NEBL: variants seen among roughly 807,000 people sequenced by gnomAD.
NEBL encodes the protein nebulette.
NEBL carries 122 observed loss-of-function variants against 140.2 expected under a neutral mutation model. The ratio of observed to expected loss-of-function variants is 0.87; its 90% CI spans 0.75 to 1.01. NEBL has a LOEUF of 1.01. Ranked by LOEUF, NEBL falls within the 50% of genes least tolerant of loss-of-function variation. The pLI is 0.00. For missense variants in NEBL, 1,365 were observed against 1,231.3 expected (o/e 1.11, Z -1.62); for synonymous variants, 436 against 398.9 (o/e 1.09, Z -1.11).
At chr10:20,833,966 C>T (rs184499999) in intron 14 of NEBL, among the ~76,000 whole-genome samples, 20 of 152,074 alleles carry the variant, frequency 1.3e-4, no homozygotes, top group South Asian at 4.2e-4. Flanking sequence ...CTTTGGTTGG[C>T]GCCATTTGAA....
rs899732656 is a variant in NEBL at position 21,080,197 on chromosome 10, C to G, written c.165-59996G>C. On this transcript the variant is annotated intron_variant, in intron 2 of 6. Coordinates refer to the NEBL transcript ENST00000417816. ...TAAAGTAATGAAAGCGATTTCTTAA[C>G]AGCACAACACATAGATACAACAAAA... Among the ~76,000 whole-genome samples the G allele has an allele frequency of 8.5e-5, 13 of 152,192 alleles. 1 individual carries two copies. Among genetic ancestry groups the G allele is most frequent in the African/African-American group, 1.2e-4 (5 of 41,452 alleles).
intron 2 of NEBL, among the ~76,000 whole-genome samples, chr10:20,894,126 A>G (rs906002938): frequency 2.0e-5 from 3 of 152,184 alleles, no homozygotes; most frequent in African/African-American, 7.2e-5. Context: ...AAGAGTAACA[A>G]TTAGGCTGCA....
At chr10:21,005,299 C>G (rs1838090520) in intron 3 of NEBL, among the ~76,000 whole-genome samples, 1 of 152,200 alleles carries the variant, frequency 6.6e-6, no homozygotes, top group African/African-American at 2.4e-5. Context: ...GAATACCCAT[C>G]TAAGAAATCA....
At chr10:21,176,662 C>T (rs1841305073), upstream of NEBL, among the ~76,000 whole-genome samples, 1 of 152,178 alleles carries the variant, frequency 6.6e-6, no homozygotes, top group Admixed American at 6.5e-5. Flanking sequence ...AACTTTTGCC[C>T]TTCCATGTCT....
In NEBL at chr10:20,784,347, C is replaced by T. The variant is rs1835232014; in HGVS notation, c.*1400G>A. On this transcript the variant is annotated 3_prime_UTR_variant, in exon 28 of 28. Transcript: ENST00000377122. ...TGGATGAAATTTCAAGACCCACCAGCAAGGGCTAGCATAAAGCCTGCAAAG... is the reference window on the plus strand; with the variant it reads ...TGGATGAAATTTCAAGACCCACCAGTAAGGGCTAGCATAAAGCCTGCAAAG... 9.5e-6 allele frequency: 1 copy of T among 105,754 alleles called. No individual in the cohort carries two copies. Among genetic ancestry groups the T allele is most frequent in the African/African-American group, 4.8e-5 (1 of 20,954 alleles). 6.6% of individuals were successfully genotyped at this position (105,754 alleles called of 1,614,324 possible). A position where few individuals can be genotyped will look rare whatever the true frequency, so the allele number is the denominator to read the frequency against.
chr10:21,168,880 C>T (rs1253637210), intron 2 of NEBL, among the ~76,000 whole-genome samples: 1 of 150,346 alleles, frequency 6.7e-6, no homozygotes, highest in Non-Finnish European at 1.5e-5. Context: ...AACCCTATCT[C>T]TACTAAAAAA....
intron 2 of NEBL, chr10:21,029,853 G>T: frequency 1.5e-6 from 1 of 682,380 alleles, no homozygotes; most frequent in Admixed American, 2.1e-5. Flanking sequence ...TTTGGCAGTG[G>T]GTACCCAGGG....
intron 2 of NEBL, among the ~76,000 whole-genome samples, chr10:21,131,516 T>C (rs1005371449): frequency 2.6e-5 from 4 of 151,898 alleles, no homozygotes; most frequent in Middle Eastern, 3.4e-3. Flanking sequence ...AATAAATAAA[T>C]AAACAAACAG....
At chr10:21,047,073 C>T (rs631361) in intron 2 of NEBL, among the ~76,000 whole-genome samples, 74,317 of 152,132 alleles carry the variant, frequency 0.49, 20,438 homozygotes, top group Non-Finnish European at 0.61. Context: ...ATGAATGTTA[C>T]TGCCATGCAG....
intron 25 of NEBL, among the ~76,000 whole-genome samples, chr10:20,808,925 T>C (rs547746292): frequency 2.6e-4 from 39 of 152,288 alleles, no homozygotes; most frequent in African/African-American, 7.9e-4. Flanking sequence ...AAAGAAAACA[T>C]TGGTAAATTA....
At chr10:21,075,343 T>C (rs1327577404) in intron 2 of NEBL, among the ~76,000 whole-genome samples, 2 of 152,002 alleles carry the variant, frequency 1.3e-5, no homozygotes, top group African/African-American at 4.8e-5. Context: ...ACTGAGAGGG[T>C]CACTTGCTGA....
intron 2 of NEBL, among the ~76,000 whole-genome samples, chr10:21,083,994 T>TAATAC (rs781756663): frequency 6.6e-6 from 1 of 152,226 alleles, no homozygotes; most frequent in African/African-American, 2.4e-5. Flanking sequence ...GAGTCCTGAC[T>TAATAC]AATACAATTG....
intron 1 of NEBL, among the ~76,000 whole-genome samples, chr10:21,262,154 CG>C (rs1842747092): frequency 6.6e-6 from 1 of 152,098 alleles, no homozygotes; most frequent in Non-Finnish European, 1.5e-5. Flanking sequence ...GCGAGGGCCT[CG>C]ATAGGAGATT....
chr10:21,145,411 T>A (rs1839845849), intron 2 of NEBL, among the ~76,000 whole-genome samples: 1 of 152,252 alleles, frequency 6.6e-6, no homozygotes, highest in Non-Finnish European at 1.5e-5. Flanking sequence ...TTTTATAGGA[T>A]ATCAAAATGC....
chr10:21,283,117 C>T (rs1192157017), intron 1 of NEBL, among the ~76,000 whole-genome samples: 2 of 133,984 alleles, frequency 1.5e-5, no homozygotes, highest in Non-Finnish European at 3.1e-5. Context: ...GCCTGGGCGA[C>T]AGGGCAAGAC....
chr10:21,206,968 C>CTTTTTTTTTTTTTTTT (rs1028716031), intron 3 of NEBL, among the ~76,000 whole-genome samples: 50 of 99,044 alleles, frequency 5.0e-4, no homozygotes, highest in Middle Eastern at 6.0e-3. Context: ...CTTTTTCTTT[C>CTTTTTTTTTTTTTTTT]TTTTTTTTTT....
chr10:20,857,892 G>C (rs1470918033), intron 9 of NEBL, among the ~76,000 whole-genome samples: 1 of 152,078 alleles, frequency 6.6e-6, no homozygotes, highest in African/African-American at 2.4e-5. Context: ...CTCTGGTCTG[G>C]CCTGCATAAA....
At chr10:21,066,636 G>T (rs1043516405) in intron 2 of NEBL, among the ~76,000 whole-genome samples, 1 of 152,180 alleles carries the variant, frequency 6.6e-6, no homozygotes, top group African/African-American at 2.4e-5. Flanking sequence ...CTCCGAATTT[G>T]CTTTAAAAAG....
At chr10:20,817,134 C>A (rs1838795903) in intron 21 of NEBL, among the ~76,000 whole-genome samples, 1 of 152,122 alleles carries the variant, frequency 6.6e-6, no homozygotes, top group Non-Finnish European at 1.5e-5. Context: ...AATCCCAGCA[C>A]TTTGGGAGGC....
Sources: allele counts gnomAD v4.1 joint callset (sites outside exome capture counted in the v4.1 genomes callset), GRCh38; gene constraint gnomAD v4.1.1; transcripts MANE v1.5; gene names NCBI Gene and HGNC (gene_info 2026-07-23, HGNC 2026-07-21).